AHCY: variants seen among roughly 807,000 people sequenced by gnomAD.
The protein encoded by AHCY is S-adenosyl-L-homocysteine hydrolase.
AHCY carries 24 observed loss-of-function variants against 45.4 expected under a neutral mutation model. The observed-to-expected ratio is 0.53, with a 90% confidence interval of 0.38 to 0.74. The LOEUF is 0.74. AHCY is among the 30% of genes least tolerant of loss of function. The pLI, the probability that AHCY is intolerant of heterozygous loss-of-function variation, is 0.00. For synonymous variants in AHCY, 245 were observed against 235.1 expected (o/e 1.04, Z -0.39); for missense variants, 449 against 594.1 (o/e 0.76, Z 2.54).
intron 9 of AHCY, 38 bp downstream of exon 9, chr20:34,285,402 C>G: frequency 6.2e-7 from 1 of 1,610,110 alleles, no homozygotes. Context: ...CAGGATTAGA[C>G]ACGTGACCCT....
At chr20:34,235,857 G>A in the AHCY span, among the ~76,000 whole-genome samples, 2 of 45,402 alleles carry the variant, frequency 4.4e-5, no homozygotes, top group African/African-American at 6.7e-4. Context: ...AGGAAGGAAG[G>A]AAGGAAGGAA....
chr20:34,233,831 A>G, the AHCY span, among the ~76,000 whole-genome samples: 1 of 152,202 alleles, frequency 6.6e-6, no homozygotes, highest in Admixed American at 6.5e-5. Flanking sequence ...ATTACCTGAG[A>G]AAAAGTCAAC....
chr20:34,300,956 C>A (rs1408813058), intron 1 of AHCY, among the ~76,000 whole-genome samples: 1 of 152,174 alleles, frequency 6.6e-6, no homozygotes, highest in African/African-American at 2.4e-5. Flanking sequence ...TTTGTGTCTC[C>A]AGCATGACCT....
chr20:34,255,970 C>T, the AHCY span, among the ~76,000 whole-genome samples: 4 of 152,226 alleles, frequency 2.6e-5, no homozygotes, highest in African/African-American at 7.2e-5. Flanking sequence ...CAGGCCCACC[C>T]GCAGCCTCCA....
At chr20:34,248,708 G>C in the AHCY span, among the ~76,000 whole-genome samples, 1 of 152,034 alleles carries the variant, frequency 6.6e-6, no homozygotes, top group Non-Finnish European at 1.5e-5. Context: ...GCTGATGTGG[G>C]AGGATTGCTT....
the AHCY span, among the ~76,000 whole-genome samples, chr20:34,246,836 C>G: frequency 6.6e-6 from 1 of 152,126 alleles, no homozygotes; most frequent in African/African-American, 2.4e-5. Context: ...CACAACTCTT[C>G]TATTTATTTC....
In AHCY at chr20:34,290,650, C is replaced by G; in HGVS notation, c.767-12G>C. The G allele has an allele frequency of 1.2e-6, 2 of 1,614,092 alleles. No homozygotes were observed. Among genetic ancestry groups the G allele is most frequent in the Non-Finnish European group, 1.7e-6 (2 of 1,179,994 alleles). ...GGTCACCTCATAGCCTGTGCAGAGA[C>G]AGTGGCTGTGGGTCATCTACGGTGG... On this transcript the variant is annotated splice_polypyrimidine_tract_variant and intron_variant, in intron 6 of 9. Coordinates refer to ENST00000217426, the MANE Select transcript of AHCY (RefSeq NM_000687.4). The surrounding 1 kb of genome is among the most constrained non-coding windows in gnomAD (Gnocchi z 4.5).
intron 1 of AHCY, chr20:34,303,011 GC>G (rs2036834702): frequency 1.0e-6 from 1 of 985,404 alleles, no homozygotes; most frequent in African/African-American, 1.7e-5. Flanking sequence ...CCGCGCGGCG[GC>G]CCCGGCGTCG....
the AHCY span, among the ~76,000 whole-genome samples, chr20:34,234,452 C>T: frequency 6.6e-6 from 1 of 152,206 alleles, no homozygotes; most frequent in Non-Finnish European, 1.5e-5. Context: ...ATCCAGTGGG[C>T]GCTATCAGCT....
the AHCY span, among the ~76,000 whole-genome samples, chr20:34,256,905 C>G: frequency 1.6e-4 from 24 of 151,982 alleles, no homozygotes; most frequent in Non-Finnish European, 2.9e-4. Context: ...CTCAGCCACC[C>G]GAGTAGCTGG....
chr20:34,282,115 G>A (rs2036024359), intron 9 of AHCY, among the ~76,000 whole-genome samples: 2 of 145,664 alleles, frequency 1.4e-5, no homozygotes, highest in Non-Finnish European at 3.0e-5. Flanking sequence ...CCACCCCACC[G>A]AGTGATTCCT....
At chr20:34,308,172 A>G (rs1015615027), upstream of AHCY, among the ~76,000 whole-genome samples, 1 of 152,126 alleles carries the variant, frequency 6.6e-6, no homozygotes, top group Non-Finnish European at 1.5e-5. Context: ...GTGTATATGT[A>G]CCACGTTTTC....
chr20:34,266,400 C>T, the AHCY span, among the ~76,000 whole-genome samples: 13 of 151,472 alleles, frequency 8.6e-5, no homozygotes, highest in Admixed American at 2.0e-4. Flanking sequence ...AGGCCAGGCA[C>T]GGTGGCTCAT....
chr20:34,303,538 G>A (rs527866792), upstream of AHCY, among the ~76,000 whole-genome samples: 35 of 152,352 alleles, frequency 2.3e-4, 1 homozygote, highest in South Asian at 7.0e-3. Context: ...GGGAGCGCCG[G>A]GAGAGGCCTG....
chr20:34,300,562 T>G (rs2036734733), intron 1 of AHCY, among the ~76,000 whole-genome samples: 1 of 126,402 alleles, frequency 7.9e-6, no homozygotes, highest in South Asian at 2.1e-4. Flanking sequence ...CTCAAGCACC[T>G]AATACAGTAC....
chr20:34,283,125 C>T (rs1188042384), intron 9 of AHCY, among the ~76,000 whole-genome samples: 1 of 152,114 alleles, frequency 6.6e-6, no homozygotes, highest in African/African-American at 2.4e-5. Flanking sequence ...GAACGATGGC[C>T]TCCAACCCCC....
chr20:34,233,624 C>T, the AHCY span, among the ~76,000 whole-genome samples: 1 of 152,304 alleles, frequency 6.6e-6, no homozygotes, highest in East Asian at 1.9e-4. Context: ...TTTATTCCAT[C>T]TCTCAATGGT....
At chr20:34,285,732 G>T in intron 8 of AHCY, 98 bp from the exon 9 acceptor site, 1 of 1,372,296 alleles carries the variant, frequency 7.3e-7, no homozygotes, top group South Asian at 1.2e-5. Context: ...CAGTGCCCAT[G>T]AGGAGTCCGA....
chr20:34,248,501 C>T, the AHCY span, among the ~76,000 whole-genome samples: 220 of 152,262 alleles, frequency 1.4e-3, no homozygotes, highest in African/African-American at 5.1e-3. Context: ...GGCAAATCCT[C>T]ACCATAAAAG....
Sources: gnomAD v4.1 joint callset for allele counts (sites outside exome capture counted in the v4.1 genomes callset) on GRCh38, gnomAD v4.1.1 for gene constraint, Gnocchi (gnomAD v3.1) non-coding constraint, MANE v1.5 for transcripts, NCBI Gene and HGNC (gene_info 2026-07-23, HGNC 2026-07-21) for gene names.